STK32B: variants seen among roughly 807,000 people sequenced by gnomAD.
The protein encoded by STK32B is serine/threonine kinase 32B.
In STK32B, 43 loss-of-function variants were observed where a neutral mutation model predicts 52.6. The observed-to-expected ratio is 0.82, with a 90% CI of 0.64 to 1.05. STK32B has a LOEUF of 1.05. STK32B is among the 50% of genes least tolerant of loss of function. STK32B has a pLI of 0.00. For synonymous variants in STK32B, 238 were observed against 204.3 expected, an observed-to-expected ratio of 1.17 and a Z score of -1.41; for missense variants, 621 against 534.6, an observed-to-expected ratio of 1.16 and a Z score of -1.59.
chr4:5,180,596 T>A (rs1306362784), intron 3 of STK32B, among the ~76,000 whole-genome samples: 2 of 152,126 alleles, frequency 1.3e-5, no homozygotes, highest in Non-Finnish European at 2.9e-5. Flanking sequence ...TTCTCTTTGG[T>A]GGCCTCTCTC....
In STK32B at chr4:5,380,646, C is replaced by T. The variant is rs1735880544; in HGVS notation, c.435-17561C>T. Among the ~76,000 whole-genome samples the T allele has an allele frequency of 1.3e-5, 2 of 152,244 alleles. No individual in the cohort carries two copies. Among genetic ancestry groups the T allele is most frequent in the East Asian group, 1.9e-4 (1 of 5,172 alleles). On this transcript the variant is annotated intron_variant, in intron 4 of 11. Transcript: ENST00000282908. The surrounding 1 kb of genome is among the most constrained non-coding windows in gnomAD (Gnocchi z 4.3). ...ACCAGGGTGGCTGGTGGCACAAGGC[C>T]CCACATGAAGGAGGGTCCGTGTTTG...
At chr4:5,403,904 G>C (rs1188790138) in intron 5 of STK32B, among the ~76,000 whole-genome samples, 1 of 152,130 alleles carries the variant, frequency 6.6e-6, no homozygotes, top group Non-Finnish European at 1.5e-5. Flanking sequence ...GGAGCCAGTG[G>C]TGGATGTCTT....
chr4:5,350,684 T>C (rs1376078192), intron 4 of STK32B, among the ~76,000 whole-genome samples: 4 of 152,132 alleles, frequency 2.6e-5, no homozygotes, highest in African/African-American at 7.2e-5. Flanking sequence ...CTACTTAAAA[T>C]ATATAGACTG....
At chr4:5,086,250 G>T (rs1273022234) in intron 1 of STK32B, among the ~76,000 whole-genome samples, 1 of 152,172 alleles carries the variant, frequency 6.6e-6, no homozygotes, top group Non-Finnish European at 1.5e-5. Flanking sequence ...AACCTTGAGG[G>T]TCTGTGCTAG....
chr4:5,183,343 C>T (rs1292519449), intron 3 of STK32B, among the ~76,000 whole-genome samples: 1 of 151,806 alleles, frequency 6.6e-6, no homozygotes. Context: ...TGGGCGTGGT[C>T]GTGCATGCCT....
chr4:5,338,241 C>T (rs765062728), intron 4 of STK32B, among the ~76,000 whole-genome samples: 1 of 152,090 alleles, frequency 6.6e-6, no homozygotes, highest in Non-Finnish European at 1.5e-5. Context: ...CAGAAACAAA[C>T]ACAGCAAAAT....
intron 3 of STK32B, among the ~76,000 whole-genome samples, chr4:5,293,151 A>G (rs1728991854): frequency 6.6e-6 from 1 of 152,106 alleles, no homozygotes; most frequent in African/African-American, 2.4e-5. Context: ...ATAGTATTCC[A>G]TGGTGTATAA....
intron 4 of STK32B, among the ~76,000 whole-genome samples, chr4:5,376,032 T>C (rs1735564955): frequency 6.6e-6 from 1 of 152,116 alleles, no homozygotes; most frequent in South Asian, 2.1e-4. Flanking sequence ...AGTCCAACAC[T>C]CTGGACGCAG....
In STK32B at chr4:5,398,605, G is replaced by A. The variant is rs1028670221; in HGVS notation, c.472+361G>A. ...TCTCTGAGCCTCAGTGTAATTTTCT[G>A]TAAACTGGGGAGAAGGCACCTCCCT... On this transcript the variant is annotated intron_variant, in intron 5 of 11. Transcript: ENST00000282908. This position sits in a 1 kb window ranked among gnomAD's most constrained non-coding sequence, Gnocchi z 4.9. Among the ~76,000 whole-genome samples, 18 of 152,144 alleles carry A rather than the reference G, an allele frequency of 1.2e-4. No homozygotes were observed. The highest frequency in any genetic ancestry group is 2.4e-4 in the Non-Finnish European group (16 of 68,028).
chr4:5,415,933 G>A (rs952031251), intron 5 of STK32B, among the ~76,000 whole-genome samples: 1 of 152,052 alleles, frequency 6.6e-6, no homozygotes, highest in Admixed American at 6.6e-5. Context: ...AGTCAATTTT[G>A]CATGTGCCAC....
chr4:5,366,733 C>G (rs1734903425), intron 4 of STK32B, among the ~76,000 whole-genome samples: 1 of 152,218 alleles, frequency 6.6e-6, no homozygotes, highest in African/African-American at 2.4e-5. Flanking sequence ...CTGACCTTGT[C>G]TTTGTTGAGC....
At chr4:5,391,065 TCTC>T (rs751113272) in intron 4 of STK32B, among the ~76,000 whole-genome samples, 58 of 151,118 alleles carry the variant, frequency 3.8e-4, no homozygotes, top group Middle Eastern at 6.9e-3. Flanking sequence ...TTCACACCAT[TCTC>T]CTGCCTTGGC....
chr4:5,331,499 A>AAAGTGGTAGTGC, intron 4 of STK32B, 106 bp downstream of exon 4: 2 of 1,254,870 alleles, frequency 1.6e-6, no homozygotes, highest in Non-Finnish European at 2.2e-6. Context: ...ACATGGTTTA[A>AAAGTGGTAGTGC]AAGTGGTAGT....
At chr4:5,497,208 T>C (rs1430391887) in intron 11 of STK32B, among the ~76,000 whole-genome samples, 3 of 152,322 alleles carry the variant, frequency 2.0e-5, no homozygotes, top group East Asian at 1.9e-4. Flanking sequence ...TCCCAGAAAA[T>C]ATGTTGGCAT....
At chr4:5,034,734 T>C in the STK32B span, among the ~76,000 whole-genome samples, 1 of 152,202 alleles carries the variant, frequency 6.6e-6, no homozygotes, top group East Asian at 1.9e-4. Context: ...GATGGGAATG[T>C]TGGTCTCAGC....
chr4:5,410,139 C>T (rs908033545), intron 5 of STK32B, among the ~76,000 whole-genome samples: 1 of 152,126 alleles, frequency 6.6e-6, no homozygotes, highest in African/African-American at 2.4e-5. Context: ...TTACAATCAG[C>T]GCCCACGGCT....
intron 3 of STK32B, among the ~76,000 whole-genome samples, chr4:5,225,433 A>G (rs781584178): frequency 1.3e-5 from 2 of 152,130 alleles, no homozygotes; most frequent in Non-Finnish European, 2.9e-5. Context: ...AAATAAAACA[A>G]CTAAATAAAA....
chr4:5,346,482 A>G (rs1293551962), intron 4 of STK32B, among the ~76,000 whole-genome samples: 1 of 152,198 alleles, frequency 6.6e-6, no homozygotes, highest in African/African-American at 2.4e-5. Flanking sequence ...TCCCCAGAAC[A>G]GTGGGACATA....
At chr4:5,085,163 T>A (rs1712656863) in intron 1 of STK32B, among the ~76,000 whole-genome samples, 1 of 152,228 alleles carries the variant, frequency 6.6e-6, no homozygotes, top group Admixed American at 6.5e-5. Context: ...AATTTCTGAC[T>A]CTGGAAATTA....
Sources: gnomAD v4.1 joint callset for allele counts (sites outside exome capture counted in the v4.1 genomes callset) on GRCh38, gnomAD v4.1.1 for gene constraint, Gnocchi (gnomAD v3.1) non-coding constraint, MANE v1.5 for transcripts, NCBI Gene and HGNC (gene_info 2026-07-23, HGNC 2026-07-21) for gene names.